The following PDZRN3 variants were observed in gnomAD, a reference collection of about 807,000 sequenced individuals.
PDZRN3 encodes the protein PDZ domain containing ring finger 3.
Under a neutral mutation model 85.7 loss-of-function variants are expected in PDZRN3, and 38 were observed. That is an observed-to-expected ratio of 0.44 (90% CI 0.34 to 0.58). PDZRN3 has a LOEUF of 0.58. Ranked by LOEUF, PDZRN3 falls within the 20% of genes least tolerant of loss-of-function variation. The pLI is 0.01. For missense variants in PDZRN3, 1,629 were observed against 1,506.4 expected, an observed-to-expected ratio of 1.08 and a Z score of -1.35; for synonymous variants, 759 against 638.0, an observed-to-expected ratio of 1.19 and a Z score of -2.86.
intron 3 of PDZRN3, among the ~76,000 whole-genome samples, chr3:73,597,656 G>T (rs887482411): frequency 2.6e-5 from 4 of 151,250 alleles, no homozygotes; most frequent in African/African-American, 9.7e-5. Context: ...AAGAAATATA[G>T]ATGTGGATGG....
chr3:73,501,521 A>G (rs1703977410), intron 3 of PDZRN3, among the ~76,000 whole-genome samples: 1 of 152,070 alleles, frequency 6.6e-6, no homozygotes, highest in African/African-American at 2.4e-5. Flanking sequence ...AGTCTTTCCC[A>G]CTTCTAATCT....
chr3:73,541,270 G>C (rs1397996276), intron 3 of PDZRN3, among the ~76,000 whole-genome samples: 1 of 152,124 alleles, frequency 6.6e-6, no homozygotes, highest in Non-Finnish European at 1.5e-5. Context: ...GTTCACTGTA[G>C]AAAGTCCGGA....
intron 3 of PDZRN3, among the ~76,000 whole-genome samples, chr3:73,451,979 A>G (rs1235843154): frequency 6.6e-6 from 1 of 152,204 alleles, no homozygotes; most frequent in Non-Finnish European, 1.5e-5. Flanking sequence ...GAACACAGAG[A>G]AAATTGTGAG....
chr3:73,443,478 T>C (rs112408679), intron 3 of PDZRN3, among the ~76,000 whole-genome samples: 8 of 39,444 alleles, frequency 2.0e-4, no homozygotes, highest in African/African-American at 5.1e-4. Context: ...TTTTCCTTTT[T>C]CTTTTTTTTT....
chr3:73,575,010 GT>G (rs1702102577), intron 3 of PDZRN3, among the ~76,000 whole-genome samples: 1 of 152,146 alleles, frequency 6.6e-6, no homozygotes, highest in Non-Finnish European at 1.5e-5. Context: ...GCAAAGTGAT[GT>G]TTTGTTTTTT....
intron 3 of PDZRN3, among the ~76,000 whole-genome samples, chr3:73,520,283 C>A (rs1388484144): frequency 6.6e-6 from 1 of 152,018 alleles, no homozygotes; most frequent in African/African-American, 2.4e-5. Flanking sequence ...GGTGGGAGGG[C>A]TGTTTGATCC....
chr3:73,500,215 A>AT (rs1363626498), intron 3 of PDZRN3, among the ~76,000 whole-genome samples: 2 of 152,116 alleles, frequency 1.3e-5, no homozygotes, highest in Non-Finnish European at 2.9e-5. Context: ...CAGCTGGCTA[A>AT]TTTTTAAATT....
intron 3 of PDZRN3, among the ~76,000 whole-genome samples, chr3:73,532,514 C>T (rs1442671803): frequency 1.3e-5 from 2 of 152,216 alleles, no homozygotes; most frequent in Non-Finnish European, 2.9e-5. Flanking sequence ...TGAGTCATCT[C>T]ACTTTGATCC....
chr3:73,387,994 A>G lies in PDZRN3; in HGVS notation c.1492T>C (p.Leu498=), dbSNP rs754737204. 5.2e-6 allele frequency: 8 copies of G among 1,542,346 alleles called. No individual in the cohort carries two copies. Among genetic ancestry groups the G allele is most frequent in the East Asian group, 2.5e-5 (1 of 40,092 alleles). The change falls in exon 8 of 10, where the codon TTG becomes CTG. Residue 498 remains leucine (L), a synonymous_variant. Coordinates refer to ENST00000263666, the MANE Select transcript of PDZRN3 (RefSeq NM_015009.3). ...TGGAGTTCAGGCCTTGCAATCAGCA[A>G]TGAAAAGTTTTTATTTTCTTCACTG... ...LTSEENKNFS[L]LIARPELQLD... is the part of the protein sequence containing the mutation.
At chr3:73,394,911 T>C (rs1242708964) in intron 5 of PDZRN3, among the ~76,000 whole-genome samples, 1 of 152,218 alleles carries the variant, frequency 6.6e-6, no homozygotes, top group Non-Finnish European at 1.5e-5. Context: ...GGATTTATGG[T>C]TTACCTTGTT....
chr3:73,439,997 C>T (rs2106818630), intron 3 of PDZRN3, among the ~76,000 whole-genome samples: 1 of 152,230 alleles, frequency 6.6e-6, no homozygotes, highest in African/African-American at 2.4e-5. Flanking sequence ...CTCAGCCTCC[C>T]AAAGTGCTGA....
rs779858803 is a variant in PDZRN3, at chr3:73,608,597, C to T, written c.810+1G>A. 2 of 1,596,398 alleles carry T rather than the reference C, an allele frequency of 1.3e-6. No individual in the cohort carries two copies. Among genetic ancestry groups the T allele is most frequent in the Non-Finnish European group, 1.7e-6 (2 of 1,164,460 alleles). ...AAAACACATTTTAGTAATTAACATA[C>T]CACACTCGGCCGGCCACCAATAATA... On this transcript the variant is annotated splice_donor_variant, in intron 2 of 9. Coordinates refer to ENST00000263666, the MANE Select transcript of PDZRN3 (RefSeq NM_015009.3). LOFTEE classifies it high-confidence loss of function.
intron 3 of PDZRN3, among the ~76,000 whole-genome samples, chr3:73,507,077 T>C (rs1704081700): frequency 6.6e-6 from 1 of 152,230 alleles, no homozygotes; most frequent in Non-Finnish European, 1.5e-5. Flanking sequence ...ATATTGTTTG[T>C]GGAACACTGC....
chr3:73,554,054 T>C (rs1471558778), intron 3 of PDZRN3, among the ~76,000 whole-genome samples: 2 of 152,182 alleles, frequency 1.3e-5, no homozygotes, highest in Non-Finnish European at 2.9e-5. Context: ...TATCTGGGCA[T>C]GACCAGCACA....
intron 2 of PDZRN3, among the ~76,000 whole-genome samples, chr3:73,603,874 C>A (rs1211085633): frequency 2.0e-5 from 2 of 99,030 alleles, no homozygotes; most frequent in Non-Finnish European, 4.5e-5. Flanking sequence ...TCCCCAAACA[C>A]ACACACACAC....
intron 3 of PDZRN3, among the ~76,000 whole-genome samples, chr3:73,512,260 C>G (rs1368370591): frequency 1.3e-5 from 2 of 152,222 alleles, no homozygotes; most frequent in African/African-American, 2.4e-5. Context: ...CAAATTCAGA[C>G]AGGAAACACC....
chr3:73,573,620 T>G (rs1463078026), intron 3 of PDZRN3, among the ~76,000 whole-genome samples: 1 of 152,182 alleles, frequency 6.6e-6, no homozygotes, highest in Non-Finnish European at 1.5e-5. Flanking sequence ...TCTGGCTCTT[T>G]ACAGGAAAAG....
intron 3 of PDZRN3, among the ~76,000 whole-genome samples, chr3:73,503,412 T>C (rs1366052686): frequency 6.6e-6 from 1 of 152,234 alleles, no homozygotes; most frequent in South Asian, 2.1e-4. Context: ...CACATGAATA[T>C]TTTTAAACCT....
At chr3:73,413,004 G>A (rs1320377110) in intron 3 of PDZRN3, among the ~76,000 whole-genome samples, 1 of 152,168 alleles carries the variant, frequency 6.6e-6, no homozygotes, top group Non-Finnish European at 1.5e-5. Context: ...GTGTGCCTCA[G>A]TGCCCTCGAT....
Sources: gnomAD v4.1 joint callset for allele counts (sites outside exome capture counted in the v4.1 genomes callset) on GRCh38, gnomAD v4.1.1 for gene constraint, MANE v1.5 for transcripts, NCBI Gene and HGNC (gene_info 2026-07-23, HGNC 2026-07-21) for gene names.